The following NLRP13 variants were observed in gnomAD, a reference collection of about 807,000 sequenced individuals.
The protein encoded by NLRP13 is NLR family pyrin domain containing 13.
NLRP13 carries 82 observed loss-of-function variants against 94.4 expected under a neutral mutation model. The ratio of observed to expected loss-of-function variants is 0.87; its 90% CI spans 0.73 to 1.04. NLRP13 has a LOEUF of 1.04. NLRP13 is among the 50% of genes least tolerant of loss of function. The pLI, the probability that NLRP13 is intolerant of heterozygous loss-of-function variation, is 0.00. For missense variants in NLRP13, 1,426 were observed against 1,230.8 expected, an observed-to-expected ratio of 1.16 and a Z score of -2.37; for synonymous variants, 553 against 464.7, an observed-to-expected ratio of 1.19 and a Z score of -2.45.
At position 55,931,897 on chromosome 19, in the gene NLRP13, C is replaced by G; in HGVS notation, c.319+96G>C. ...TCAAGGAGGATTTGTAGGGGGAGAT[C>G]GGCAGTGTGGAATGACCCCACAAAA... On this transcript the variant is annotated intron_variant, in intron 1 of 10. Transcript: ENST00000342929. 4.1e-6 allele frequency: 4 copies of G among 969,036 alleles called. No homozygotes were observed. In the South Asian group the frequency reaches 5.5e-5, roughly 13 times the overall value. The allele number at this position is 969,036 out of a possible 1,614,324, so 60.0% of individuals were successfully genotyped here.
At chr19:55,910,492 A>G (rs1016208340) in intron 6 of NLRP13, 71 bp downstream of exon 6, 2 of 1,391,878 alleles carry the variant, frequency 1.4e-6, no homozygotes, top group Non-Finnish European at 1.9e-6. Flanking sequence ...AGTCAACCAC[A>G]CTCATCAAAA....
downstream of NLRP13, chr19:55,895,863 G>A: frequency 2.0e-6 from 3 of 1,484,902 alleles, 1 homozygote; most frequent in South Asian, 3.9e-5. Flanking sequence ...CGAGTGCAAT[G>A]GAAACCTGAC....
At chr19:55,923,063 A>G (rs755102053) in intron 4 of NLRP13, among the ~76,000 whole-genome samples, 14 of 152,212 alleles carry the variant, frequency 9.2e-5, no homozygotes, top group Non-Finnish European at 1.5e-4. Flanking sequence ...TAAACTTAGA[A>G]CTAGAATGTA....
chr19:55,894,043 CTTTTT>C (rs36039690), downstream of NLRP13, among the ~76,000 whole-genome samples: 2 of 112,930 alleles, frequency 1.8e-5, no homozygotes, highest in African/African-American at 3.6e-5. Context: ...CATGCCCCAA[CTTTTT>C]TTTTTTTTTT....
chr19:55,902,508 T>G (rs1318280720), intron 8 of NLRP13, among the ~76,000 whole-genome samples: 5 of 151,934 alleles, frequency 3.3e-5, no homozygotes, highest in Non-Finnish European at 7.4e-5. Context: ...CAGTTGGGCG[T>G]GGGTCCAAAT....
chr19:55,930,901 A>ATTTTT (rs55976723), intron 1 of NLRP13, among the ~76,000 whole-genome samples: 3,432 of 98,242 alleles, frequency 0.035, 137 homozygotes, highest in African/African-American at 0.072. Flanking sequence ...TATATATAAA[A>ATTTTT]TTTTAACCAG....
Position 55,898,811 on chromosome 19 carries a change from C to G in NLRP13, c.2916G>C (p.Leu972=), listed in dbSNP as rs774606216. The part of the protein sequence containing the change: ...NDLQDDGVKL[L]CEALKPHRAL... ...CACGATGTGGTTTCAGAGCCTCACA[C>G]AGTAGCTTCACTCCATCATCCTGAA... The change falls in exon 10 of 11, where the codon CTG becomes CTC. Residue 972 remains leucine, a synonymous_variant. Transcript: ENST00000342929. 3.1e-6 allele frequency: 5 copies of G among 1,613,496 alleles called. No individual in the cohort carries two copies. The highest frequency in any genetic ancestry group is 4.2e-6 in the Non-Finnish European group (5 of 1,179,726).
intron 1 of NLRP13, among the ~76,000 whole-genome samples, chr19:55,926,733 G>A (rs186744669): frequency 3.4e-4 from 51 of 152,088 alleles, no homozygotes; most frequent in African/African-American, 1.2e-3. Context: ...GGGAAATCTT[G>A]GCCTTGTCTT....
intron 1 of NLRP13, among the ~76,000 whole-genome samples, chr19:55,930,454 G>A (rs1987083836): frequency 6.6e-6 from 1 of 152,098 alleles, no homozygotes; most frequent in Non-Finnish European, 1.5e-5. Context: ...GGGAGGCTGA[G>A]GCAGGCAAAT....
At chr19:55,902,976 C>T (rs1986231590) in intron 8 of NLRP13, among the ~76,000 whole-genome samples, 1 of 149,978 alleles carries the variant, frequency 6.7e-6, no homozygotes, top group African/African-American at 2.4e-5. Context: ...ATATAAATAA[C>T]TGTAATATTA....
chr19:55,925,021 G>C lies in NLRP13; in HGVS notation c.334C>G (p.Gln112Glu). 6.2e-7 allele frequency: 1 copy of C among 1,613,908 alleles called. No individual in the cohort carries two copies. The highest frequency in any genetic ancestry group is 8.5e-7 in the Non-Finnish European group (1 of 1,179,890). The change falls in exon 2 of 11, where the codon CAA becomes GAA. Residue 112 changes from glutamine (Q) to glutamate (E), a missense_variant. Transcript: ENST00000342929. ...RAEMKENVQT[Q>E]ELQDPTQEDL... is the part of the protein sequence containing the mutation. ...TCCTGGGTTGGATCTTGCAGCTCTT[G>C]GGTCTGCACATTCTCTGAAACAAAC...
intron 7 of NLRP13, among the ~76,000 whole-genome samples, chr19:55,906,135 C>T (rs899296265): frequency 1.3e-4 from 19 of 151,862 alleles, no homozygotes; most frequent in Admixed American, 3.3e-4. Flanking sequence ...TTCAGGAGTT[C>T]GAGACCAGCC....
intron 4 of NLRP13, among the ~76,000 whole-genome samples, chr19:55,922,878 C>A (rs1986867139): frequency 6.6e-6 from 1 of 152,164 alleles, no homozygotes; most frequent in African/African-American, 2.4e-5. Context: ...AAATATTAAT[C>A]ACTTATGACC....
In NLRP13 at chr19:55,922,332, G is replaced by T. The variant is rs369320625; in HGVS notation, c.523+1582C>A. On this transcript the variant is annotated intron_variant, in intron 4 of 10. Coordinates refer to ENST00000342929, the MANE Select transcript of NLRP13 (RefSeq NM_176810.2). The stretch of plus-strand genomic sequence containing the variant: ...TTTTATTGTTGTTTTTTGTTTTTTT[G>T]TTTGTTTGTTTTTTCAGATGGAGTC... Among the ~76,000 whole-genome samples, 133 of 151,258 alleles carry T rather than the reference G, an allele frequency of 8.8e-4. 1 individual carries two copies. Among genetic ancestry groups the T allele is most frequent in the Middle Eastern group, 3.4e-3 (1 of 294 alleles).
chr19:55,910,705 C>A lies in NLRP13; in HGVS notation c.2140G>T (p.Ala714Ser), dbSNP rs745990162. 3.7e-6 allele frequency: 6 copies of A among 1,609,236 alleles called. No individual in the cohort carries two copies. The highest frequency in any genetic ancestry group is 3.4e-6 in the Non-Finnish European group (4 of 1,176,372). The change falls in exon 6 of 11, where the codon GCA (alanine) becomes TCA (serine). Residue 714 changes from alanine to serine, a missense_variant. By Grantham distance (99) the Ala-to-Ser change is moderately conservative. Coordinates refer to ENST00000342929, the MANE Select transcript of NLRP13 (RefSeq NM_176810.2). ...AACGTAGAGCAAATGCTGTTCCATG[C>A]GTGCATCCTGGAATCAAACTTGCTT... ...ETSKFDSRMH[A>S]WNSICSTLVT... is the part of the protein sequence containing the mutation.
Position 55,932,301 on chromosome 19 carries a change from G to A in NLRP13, c.11C>T (p.Ser4Phe). MNF[S>F]VITCPNGGTN... ...ACCACCGTTGGGGCAGGTGATTACA[G>A]AAAAGTTCATCTTGCCCAACACATG... Residue 4 changes from serine to phenylalanine, a missense_variant, in exon 1 of 11, where the codon TCT (serine) becomes TTT (phenylalanine). Ser to Phe is a radical substitution (Grantham distance 155). Transcript: ENST00000342929. The A allele has an allele frequency of 6.2e-7, 1 of 1,603,792 alleles. No homozygotes were observed. Among genetic ancestry groups the A allele is most frequent in the East Asian group, 2.2e-5 (1 of 44,842 alleles).
intron 7 of NLRP13, among the ~76,000 whole-genome samples, chr19:55,906,899 C>T (rs553024312): frequency 6.6e-6 from 1 of 152,294 alleles, no homozygotes; most frequent in African/African-American, 2.4e-5. Flanking sequence ...GTTAGAAGTG[C>T]TCATTCTTAG....
intron 4 of NLRP13, among the ~76,000 whole-genome samples, chr19:55,923,272 A>C (rs1986881236): frequency 6.6e-6 from 1 of 152,190 alleles, no homozygotes; most frequent in Admixed American, 6.5e-5. Context: ...TTTCTGTAGG[A>C]GATCAGTCAG....
downstream of NLRP13, among the ~76,000 whole-genome samples, chr19:55,892,556 G>T (rs1202934434): frequency 5.9e-5 from 9 of 152,000 alleles, no homozygotes. Context: ...TGAATAGCTG[G>T]GATTATAGGC....
Sources: allele counts gnomAD v4.1 joint callset (sites outside exome capture counted in the v4.1 genomes callset), GRCh38; gene constraint gnomAD v4.1.1; transcripts MANE v1.5; gene names NCBI Gene and HGNC (gene_info 2026-07-23, HGNC 2026-07-21).